The following KTN1 variants were observed in gnomAD, a reference collection of about 807,000 sequenced individuals.
KTN1 encodes the protein kinectin.
In KTN1, 130 loss-of-function variants were observed where a neutral mutation model predicts 222.5. The ratio of observed to expected loss-of-function variants is 0.58; its 90% CI spans 0.51 to 0.68. The LOEUF (loss-of-function observed/expected upper bound fraction) is 0.68, where lower values mean the gene tolerates loss of function less well. KTN1 is among the 30% of genes least tolerant of loss of function. The pLI, the probability that KTN1 is intolerant of heterozygous loss-of-function variation, is 0.00. For synonymous variants in KTN1, 512 were observed against 496.3 expected, an observed-to-expected ratio of 1.03 and a Z score of -0.42; for missense variants, 1,508 against 1,500.4, an observed-to-expected ratio of 1.01 and a Z score of -0.08.
chr14:55,621,676 G>T (rs28754619), intron 5 of KTN1, among the ~76,000 whole-genome samples: 4 of 151,824 alleles, frequency 2.6e-5, no homozygotes, highest in African/African-American at 7.3e-5. Context: ...CCTCTCCCAC[G>T]GCACGTGGGA....
At chr14:55,588,092 A>G (rs538506946) in intron 1 of KTN1, among the ~76,000 whole-genome samples, 2 of 152,298 alleles carry the variant, frequency 1.3e-5, no homozygotes, top group South Asian at 4.1e-4. Flanking sequence ...CTCTCCAGAA[A>G]CTTAACTACT....
chr14:55,644,212 T>A (rs1268947655), intron 18 of KTN1: 1 of 501,420 alleles, frequency 2.0e-6, no homozygotes, highest in Non-Finnish European at 3.6e-6. Context: ...AAGATTGGTA[T>A]AATCTTAATT....
chr14:55,648,849 A>T lies in KTN1; in HGVS notation c.2346A>T (p.Leu782Phe). The T allele has an allele frequency of 6.2e-7, 1 of 1,600,890 alleles. No homozygotes were observed. The highest frequency in any genetic ancestry group is 1.3e-5 in the African/African-American group (1 of 74,710). The change falls in exon 21 of 44, where the codon TTA becomes TTT. Residue 782 changes from leucine to phenylalanine, a missense_variant. Transcript: ENST00000395314. ...NSSLTKEVQD[L>F]KAKQNDQVSF... ...CTCTGACAAAAGAAGTTCAAGACTTAAAAGCTAAGCAAAATGATCAGGTAA... is the reference window on the plus strand; with the variant it reads ...CTCTGACAAAAGAAGTTCAAGACTTTAAAGCTAAGCAAAATGATCAGGTAA...
At chr14:55,611,807 C>T (rs981841429) in intron 1 of KTN1, among the ~76,000 whole-genome samples, 2 of 152,116 alleles carry the variant, frequency 1.3e-5, no homozygotes, top group African/African-American at 4.8e-5. Context: ...TTTTCTACTC[C>T]TTCTAGTTAC....
At chr14:55,648,723 T>G in intron 20 of KTN1, 79 bp from the exon 21 acceptor site, 2 of 929,596 alleles carry the variant, frequency 2.2e-6, no homozygotes, top group South Asian at 1.5e-5. Flanking sequence ...GCTAAAGAAA[T>G]GAGAAACTAA....
intron 1 of KTN1, among the ~76,000 whole-genome samples, chr14:55,607,678 T>C (rs2036936512): frequency 6.6e-6 from 1 of 152,166 alleles, no homozygotes; most frequent in African/African-American, 2.4e-5. Context: ...TGCATTCAGA[T>C]TGGAATCTAT....
intron 30 of KTN1, 60 bp downstream of exon 30, chr14:55,658,674 G>C: frequency 1.1e-6 from 1 of 942,942 alleles, no homozygotes; most frequent in Non-Finnish European, 1.7e-6. Context: ...TATAACCAGT[G>C]ACATATGAGT....
chr14:55,651,768 T>A, intron 24 of KTN1, 122 bp from the exon 25 acceptor site: 1 of 639,324 alleles, frequency 1.6e-6, no homozygotes, highest in Non-Finnish European at 2.7e-6. Flanking sequence ...CATCTCATTT[T>A]GTCATGAAAA....
chr14:55,632,244 T>G (rs555658214), intron 7 of KTN1, among the ~76,000 whole-genome samples: 70 of 152,334 alleles, frequency 4.6e-4, no homozygotes, highest in Non-Finnish European at 9.3e-4. Flanking sequence ...CAGCATCTTT[T>G]GTTGAAGGTG....
At chr14:55,653,521 A>C (rs771344810) in intron 27 of KTN1, 38 bp from the exon 28 acceptor site, 1 of 1,550,328 alleles carries the variant, frequency 6.5e-7, no homozygotes, top group Non-Finnish European at 8.9e-7. Flanking sequence ...CATAACATTT[A>C]ATGCTAACAG....
intron 1 of KTN1, among the ~76,000 whole-genome samples, chr14:55,594,771 G>A (rs1269223862): frequency 2.0e-5 from 3 of 152,132 alleles, no homozygotes; most frequent in Non-Finnish European, 4.4e-5. Flanking sequence ...GTATAAACAA[G>A]TTGAAAGTAA....
chr14:55,643,254 A>G (rs1245239086), intron 18 of KTN1, among the ~76,000 whole-genome samples: 1 of 152,180 alleles, frequency 6.6e-6, no homozygotes, highest in Admixed American at 6.5e-5. Context: ...TAGCTTACAA[A>G]AAAGATATGA....
intron 1 of KTN1, among the ~76,000 whole-genome samples, chr14:55,610,882 A>G (rs2037448288): frequency 6.6e-6 from 1 of 152,234 alleles, no homozygotes; most frequent in South Asian, 2.1e-4. Context: ...GTCAAATTAC[A>G]TCGCCACCCG....
At chr14:55,603,885 G>T (rs1228303290) in intron 1 of KTN1, among the ~76,000 whole-genome samples, 2 of 152,110 alleles carry the variant, frequency 1.3e-5, no homozygotes, top group South Asian at 4.2e-4. Context: ...ATTGCCTTTG[G>T]CTTTGTTTAT....
At chr14:55,656,177 T>G in intron 29 of KTN1, 45 bp downstream of exon 29, 1 of 1,311,342 alleles carries the variant, frequency 7.6e-7, no homozygotes, top group Non-Finnish European at 1.1e-6. Context: ...AATTATTGTC[T>G]TTGCATGCTT....
chr14:55,670,485 G>T (rs1261927863), intron 34 of KTN1, among the ~76,000 whole-genome samples: 1 of 151,928 alleles, frequency 6.6e-6, no homozygotes, highest in African/African-American at 2.4e-5. Context: ...CTCTTGGTTA[G>T]GTATATAATA....
intron 4 of KTN1, 62 bp from the exon 5 acceptor site, chr14:55,619,120 G>T (rs1594881612): frequency 7.4e-7 from 1 of 1,356,550 alleles, no homozygotes; most frequent in East Asian, 2.3e-5. Flanking sequence ...TACCTTTGCT[G>T]AAGTTATTAT....
rs2044448381 is a variant in KTN1 at position 55,664,166 on chromosome 14, C to A, written c.3177+125C>A. 8.2e-6 allele frequency: 5 copies of A among 612,090 alleles called. No homozygotes were observed. The Admixed American group carries it at 1.0e-4, about 12-fold the overall frequency. 37.9% of individuals were successfully genotyped at this position (612,090 alleles called of 1,614,324 possible). ...ATAAAATCTCCTTATCCATATTTAT[C>A]ATCTCTATCATCTCTGCTTTTTTCA... On this transcript the variant is annotated intron_variant, in intron 33 of 43. Transcript: ENST00000395314.
At chr14:55,632,397 TTAA>T (rs1193412388) in intron 7 of KTN1, among the ~76,000 whole-genome samples, 2 of 152,216 alleles carry the variant, frequency 1.3e-5, no homozygotes, top group Non-Finnish European at 2.9e-5. Context: ...GAAAGAATTA[TTAA>T]TAAGATTATT....
Sources: allele counts gnomAD v4.1 joint callset (sites outside exome capture counted in the v4.1 genomes callset), GRCh38; gene constraint gnomAD v4.1.1; transcripts MANE v1.5; gene names NCBI Gene and HGNC (gene_info 2026-07-23, HGNC 2026-07-21).